EDN2: variants seen among roughly 807,000 people sequenced by gnomAD.
EDN2 encodes endothelin-2.
A neutral mutation model predicts 19.9 loss-of-function variants in EDN2; 10 were observed. The ratio of observed to expected loss-of-function variants is 0.50; its 90% confidence interval spans 0.31 to 0.85. The LOEUF (loss-of-function observed/expected upper bound fraction) is 0.85. Among genes scored for constraint, EDN2 ranks in the 40% least tolerant of loss-of-function variants. EDN2 has a pLI of 0.05. For synonymous variants in EDN2, 84 were observed against 94.9 expected (o/e 0.89, Z 0.67); for missense variants, 222 against 239.3 (o/e 0.93, Z 0.48).
intron 2 of EDN2, chr1:41,483,727 A>T (rs545771610): frequency 2.5e-5 from 6 of 238,764 alleles, no homozygotes; most frequent in Non-Finnish European, 4.9e-5. Context: ...CCAACCGAGG[A>T]TGGTGCCTAC....
At chr1:41,480,354 T>A (rs1644236970) in intron 4 of EDN2, among the ~76,000 whole-genome samples, 1 of 152,112 alleles carries the variant, frequency 6.6e-6, no homozygotes, top group South Asian at 2.1e-4. Context: ...GTGACAGAAG[T>A]GGGAATGGCA....
chr1:41,481,836 C>T (rs11210272), intron 3 of EDN2, among the ~76,000 whole-genome samples: 13,037 of 152,158 alleles, frequency 0.086, 637 homozygotes, highest in South Asian at 0.18. Context: ...CCACCGTGCG[C>T]GGCCGGAAGC....
Position 41,479,291 on chromosome 1 carries a change from G to A in EDN2, c.*118C>T. On this transcript the variant is annotated 3_prime_UTR_variant, in exon 5 of 5. Coordinates refer to ENST00000372587, the MANE Select transcript of EDN2 (RefSeq NM_001956.5). ...GTGCCAATCCTGGCAAATGGGTCCA[G>A]CTGTCTGGGACCAAGGCCCCGGTCC... is the stretch of plus-strand genomic sequence containing the variant. 2.2e-6 allele frequency: 2 copies of A among 894,530 alleles called. No individual in the cohort carries two copies. The highest frequency in any genetic ancestry group is 3.6e-6 in the Non-Finnish European group (2 of 553,120). 55.4% of individuals were successfully genotyped at this position (894,530 alleles called of 1,614,324 possible).
intron 2 of EDN2, among the ~76,000 whole-genome samples, chr1:41,483,282 A>T (rs1406119233): frequency 6.6e-6 from 1 of 152,266 alleles, no homozygotes; most frequent in Non-Finnish European, 1.5e-5. Context: ...CAGTGACTCC[A>T]GGTAGACTCA....
chr1:41,483,767 AGGC>A, intron 2 of EDN2: 1 of 313,846 alleles, frequency 3.2e-6, no homozygotes, highest in East Asian at 6.1e-5. Flanking sequence ...ATCTTGGGGG[AGGC>A]GCTTAAGCTC....
At chr1:41,483,572 T>G (rs1473725338) in intron 2 of EDN2, among the ~76,000 whole-genome samples, 1 of 152,006 alleles carries the variant, frequency 6.6e-6, no homozygotes, top group Non-Finnish European at 1.5e-5. Flanking sequence ...ATGGGGAGGA[T>G]GGGGGGGCTC....
chr1:41,480,714 G>A (rs1301985423), intron 4 of EDN2: 3 of 471,916 alleles, frequency 6.4e-6, no homozygotes, highest in Admixed American at 2.3e-5. Context: ...GAGGCACCAG[G>A]GAGGAGATGC....
At chr1:41,481,289 C>A in intron 3 of EDN2, 96 bp from the exon 4 acceptor site, 1 of 938,338 alleles carries the variant, frequency 1.1e-6, no homozygotes, top group South Asian at 1.6e-5. Context: ...CTTCCCCATC[C>A]CCACCTGCCT....
At chr1:41,480,774 C>T (rs1425208017) in intron 4 of EDN2, 4 of 528,732 alleles carry the variant, frequency 7.6e-6, no homozygotes, top group Non-Finnish European at 1.5e-5. Flanking sequence ...CCCTCTGGAC[C>T]CCAGCATGTG....
In EDN2 at chr1:41,479,269, C is replaced by T. The variant is rs934932235; in HGVS notation, c.*140G>A. 2.6e-6 allele frequency: 2 copies of T among 777,900 alleles called. No individual in the cohort carries two copies. The highest frequency in any genetic ancestry group is 4.0e-5 in the Admixed American group (2 of 49,978). The allele number at this position is 777,900 out of a possible 1,614,324, so 48.2% of individuals were successfully genotyped here. ...AGGCTCCCTCACCAGGGAGCTTGTG[C>T]CAATCCTGGCAAATGGGTCCAGCTG... On this transcript the variant is annotated 3_prime_UTR_variant, in exon 5 of 5. Coordinates refer to ENST00000372587, the MANE Select transcript of EDN2 (RefSeq NM_001956.5).
At chr1:41,480,451 G>A (rs933547017) in intron 4 of EDN2, among the ~76,000 whole-genome samples, 3 of 152,196 alleles carry the variant, frequency 2.0e-5, no homozygotes, top group African/African-American at 4.8e-5. Flanking sequence ...AACCCCAGGC[G>A]GGGATGGATG....
chr1:41,482,802 T>G (rs1644259610), intron 2 of EDN2: 9 of 514,980 alleles, frequency 1.7e-5, no homozygotes, highest in Non-Finnish European at 2.8e-5. Context: ...AGTCACAGGC[T>G]ACTCCACAAG....
chr1:41,480,719 A>G (rs987619402), intron 4 of EDN2: 20 of 474,068 alleles, frequency 4.2e-5, no homozygotes, highest in Non-Finnish European at 8.4e-5. Context: ...ACCAGGGAGG[A>G]GATGCAATCT....
Position 41,479,521 on chromosome 1 carries a change from C to G in EDN2, c.444-19G>C. ...AATGTCCCTGGGAATCAAGAAGGGT[C>G]AACTTAGCATCTCAGGAGATATGGA... On this transcript the variant is annotated intron_variant, in intron 4 of 4. Coordinates refer to ENST00000372587, the MANE Select transcript of EDN2 (RefSeq NM_001956.5). 6.2e-7 allele frequency: 1 copy of G among 1,604,470 alleles called. No individual in the cohort carries two copies. Among genetic ancestry groups the G allele is most frequent in the Non-Finnish European group, 8.5e-7 (1 of 1,171,204 alleles).
At chr1:41,480,713 G>A (rs914014972) in intron 4 of EDN2, 6 of 471,316 alleles carry the variant, frequency 1.3e-5, no homozygotes, top group Non-Finnish European at 2.1e-5. Flanking sequence ...TGAGGCACCA[G>A]GGAGGAGATG....
intron 4 of EDN2, chr1:41,480,752 T>C (rs1644240337): frequency 2.0e-6 from 1 of 501,824 alleles, no homozygotes; most frequent in Non-Finnish European, 3.9e-6. Flanking sequence ...GGGAGCAGGC[T>C]GGGCAGTTGG....
intron 4 of EDN2, among the ~76,000 whole-genome samples, chr1:41,480,489 A>G (rs1053839584): frequency 6.6e-6 from 1 of 152,188 alleles, no homozygotes; most frequent in Non-Finnish European, 1.5e-5. Flanking sequence ...CTCCTGTTCA[A>G]ATCATAGGAA....
rs1350718386 is a variant in EDN2, at chr1:41,479,394, C to T, written c.*15G>A. The T allele has an allele frequency of 5.0e-6, 8 of 1,609,240 alleles. No homozygotes were observed. The highest frequency in any genetic ancestry group is 6.8e-6 in the Non-Finnish European group (8 of 1,175,644). On this transcript the variant is annotated 3_prime_UTR_variant, in exon 5 of 5. Transcript: ENST00000372587. ...CCCGCGGGCTTCCTTCCCAATGTTC[C>T]TCCAGCTCACGACACTATCTCTTCC...
intron 2 of EDN2, chr1:41,483,799 A>T (rs1644268200): frequency 2.3e-6 from 1 of 435,520 alleles, no homozygotes. Context: ...TCAGCACTTG[A>T]ATCTGGAAAA....
Sources: allele counts gnomAD v4.1 joint callset (sites outside exome capture counted in the v4.1 genomes callset), GRCh38; gene constraint gnomAD v4.1.1; transcripts MANE v1.5; gene names NCBI Gene and HGNC (gene_info 2026-07-23, HGNC 2026-07-21).